POPDC1: variants seen among roughly 807,000 people sequenced by gnomAD.
The protein encoded by POPDC1 is popeye domain-containing protein 1.
the POPDC1 span, among the ~76,000 whole-genome samples, chr6:105,117,185 T>C: frequency 2.6e-5 from 4 of 152,202 alleles, no homozygotes; most frequent in Non-Finnish European, 5.9e-5. Flanking sequence ...AGGATGCCAC[T>C]GGACATATGA....
the POPDC1 span, among the ~76,000 whole-genome samples, chr6:105,131,365 C>A: frequency 0.036 from 5,519 of 152,072 alleles, 117 homozygotes; most frequent in African/African-American, 0.055. Context: ...GAATTATAGT[C>A]CTGGTTTGGC....
chr6:105,134,800 G>A, the POPDC1 span, among the ~76,000 whole-genome samples: 7 of 152,150 alleles, frequency 4.6e-5, no homozygotes, highest in Non-Finnish European at 8.8e-5. Flanking sequence ...TTCTGAAATA[G>A]CTCATAAATA....
the POPDC1 span, among the ~76,000 whole-genome samples, chr6:105,106,519 G>C: frequency 6.6e-6 from 1 of 152,244 alleles, no homozygotes; most frequent in Non-Finnish European, 1.5e-5. Flanking sequence ...GCTCCTGCCA[G>C]ATGGCAGGGG....
chr6:105,114,079 G>A, the POPDC1 span, among the ~76,000 whole-genome samples: 3 of 152,100 alleles, frequency 2.0e-5, no homozygotes, highest in East Asian at 3.8e-4. Flanking sequence ...ACAAGATGTC[G>A]AGGCAGAGAG....
the POPDC1 span, among the ~76,000 whole-genome samples, chr6:105,105,609 C>A: frequency 4.7e-3 from 717 of 152,278 alleles, 6 homozygotes; most frequent in African/African-American, 0.016. Flanking sequence ...TTTCTTTGAA[C>A]CCCTAATACA....
the POPDC1 span, chr6:105,101,098 C>A: frequency 1.2e-6 from 2 of 1,610,788 alleles, no homozygotes; most frequent in Non-Finnish European, 1.7e-6. Flanking sequence ...ATCAAGGCAG[C>A]TGATGGACTT....
the POPDC1 span, among the ~76,000 whole-genome samples, chr6:105,135,474 T>A: frequency 6.6e-6 from 1 of 152,128 alleles, no homozygotes; most frequent in Non-Finnish European, 1.5e-5. Flanking sequence ...ATTTACATAA[T>A]CAATCAATCA....
At chr6:105,121,474 G>T in the POPDC1 span, among the ~76,000 whole-genome samples, 1 of 151,908 alleles carries the variant, frequency 6.6e-6, no homozygotes, top group South Asian at 2.1e-4. Flanking sequence ...CACCATGTTG[G>T]CCAGGCTGGT....
chr6:105,100,493 G>A, the POPDC1 span: 1 of 148,748 alleles, frequency 6.7e-6, no homozygotes, highest in African/African-American at 2.5e-5. Context: ...CTGGGCGACA[G>A]AGTGAAACTC....
chr6:105,115,895 AT>A, the POPDC1 span: 1 of 1,529,118 alleles, frequency 6.5e-7, no homozygotes, highest in East Asian at 2.3e-5. Context: ...TTTAAGCAGC[AT>A]GTACTTTTCC....
the POPDC1 span, chr6:105,115,948 C>G: frequency 1.2e-6 from 1 of 835,334 alleles, no homozygotes; most frequent in South Asian, 2.7e-5. Context: ...ATACCTGATA[C>G]ATATTAGGTG....
the POPDC1 span, among the ~76,000 whole-genome samples, chr6:105,110,439 G>C: frequency 1.2e-4 from 18 of 152,176 alleles, no homozygotes; most frequent in Non-Finnish European, 1.9e-4. Context: ...CTTATTGTTT[G>C]TAAGTCTATG....
At chr6:105,103,214 A>G in the POPDC1 span, among the ~76,000 whole-genome samples, 675 of 152,374 alleles carry the variant, frequency 4.4e-3, 8 homozygotes, top group African/African-American at 0.016. Flanking sequence ...TATGGTTGTT[A>G]TAAGGATAAA....
chr6:105,120,072 AAACGG>A, the POPDC1 span, among the ~76,000 whole-genome samples: 2 of 3,096 alleles, frequency 6.5e-4, 1 homozygote, highest in Non-Finnish European at 2.6e-3. Flanking sequence ...ATCCCGGCTA[AAACGG>A]TGAAACCCCG....
chr6:105,099,662 G>A, the POPDC1 span: 1 of 152,250 alleles, frequency 6.6e-6, no homozygotes, highest in East Asian at 1.9e-4. Flanking sequence ...TGGAATCAAG[G>A]CCCTCACTGC....
At chr6:105,126,188 T>C in the POPDC1 span, among the ~76,000 whole-genome samples, 1 of 149,460 alleles carries the variant, frequency 6.7e-6, no homozygotes, top group Admixed American at 6.7e-5. Context: ...ATTGCTCCAT[T>C]GCACTCTAGC....
the POPDC1 span, among the ~76,000 whole-genome samples, chr6:105,111,118 AAACT>A: frequency 6.6e-6 from 1 of 152,228 alleles, no homozygotes; most frequent in African/African-American, 2.4e-5. Context: ...GACACGGTTT[AAACT>A]AACAAGCTTT....
chr6:105,122,455 T>C, the POPDC1 span, among the ~76,000 whole-genome samples: 1 of 152,210 alleles, frequency 6.6e-6, no homozygotes, highest in South Asian at 2.1e-4. Context: ...GGAATTCCTT[T>C]TTTGTTGACT....
At chr6:105,123,207 C>T in the POPDC1 span, among the ~76,000 whole-genome samples, 79 of 152,098 alleles carry the variant, frequency 5.2e-4, no homozygotes, top group Non-Finnish European at 1.0e-3. Context: ...ACCTTCTTGC[C>T]CACAAGCAAT....
Sources: allele counts gnomAD v4.1 joint callset (sites outside exome capture counted in the v4.1 genomes callset), GRCh38; gene constraint gnomAD v4.1.1; transcripts MANE v1.5; gene names NCBI Gene and HGNC (gene_info 2026-07-23, HGNC 2026-07-21).